PALB2: variants seen among roughly 807,000 people sequenced by gnomAD.
PALB2 encodes partner and localizer of BRCA2, also known as mutant partner and localizer of BRCA2.
Under a neutral mutation model 107.4 loss-of-function variants are expected in PALB2, and 82 were observed. That is an observed-to-expected ratio of 0.76 (90% CI 0.64 to 0.92). The LOEUF is 0.92. Among genes scored for constraint, PALB2 ranks in the 40% least tolerant of loss-of-function variants. The pLI is 0.00. For missense variants in PALB2, 1,374 were observed against 1,379.9 expected (o/e 1.00, Z 0.07); for synonymous variants, 489 against 496.8 (o/e 0.98, Z 0.21).
chr16:23,637,906 A>G lies in PALB2; in HGVS notation c.155T>C (p.Val52Ala), dbSNP rs373970237. 3.1e-6 allele frequency: 5 copies of G among 1,614,056 alleles called. No homozygotes were observed. Among genetic ancestry groups the G allele is most frequent in the Non-Finnish European group, 4.2e-6 (5 of 1,179,970 alleles). Residue 52 changes from valine to alanine, a missense_variant, in exon 3 of 13, where the codon GTA becomes GCA. By Grantham distance (64) the Val-to-Ala change is moderately conservative. Coordinates refer to ENST00000261584, the MANE Select transcript of PALB2 (RefSeq NM_024675.4). ...EKIKHSIKKT[V>A]EEQDCLSQQD... is the part of the protein sequence containing the mutation. ...CTGAGACAAACAATCTTGTTCTTCT[A>G]CTGTTTTCTTAATAGAATGCTTAAT...
In PALB2 at chr16:23,633,737, T is replaced by TCTATCAC. The variant is rs781292045; in HGVS notation, c.1684+1118_1684+1124dup. Among the ~76,000 whole-genome samples the TCTATCAC allele has an allele frequency of 2.3e-3, 343 of 152,108 alleles. 5 individuals are homozygous for TCTATCAC. The highest frequency in any genetic ancestry group is 9.3e-4 in the Non-Finnish European group (63 of 67,998). On this transcript the variant is annotated intron_variant, in intron 4 of 12. Transcript: ENST00000261584. ...GTTTTTTTTTGAGAGAGGGTTTTGCTCTATCACCCAGACTGGAGTGCAGTG... is the reference window on the plus strand; with the variant it reads ...GTTTTTTTTTGAGAGAGGGTTTTGCTCTATCACCTATCACCCAGACTGGAGTGCAGTG...
chr16:23,634,740 A>G, intron 4 of PALB2, 122 bp downstream of exon 4: 1 of 1,349,496 alleles, frequency 7.4e-7, no homozygotes, highest in Non-Finnish European at 1.0e-6. Flanking sequence ...GGGATTACAG[A>G]CGTAAGCCAC....
Position 23,629,717 on chromosome 16 carries a change from T to A in PALB2, c.2437A>T (p.Ile813Phe), listed in dbSNP as rs766396469. The A allele has an allele frequency of 6.2e-7, 1 of 1,614,068 alleles. No homozygotes were observed. Among genetic ancestry groups the A allele is most frequent in the African/African-American group, 1.3e-5 (1 of 74,930 alleles). The change falls in exon 5 of 13, where the codon ATT becomes TTT. Residue 813 changes from isoleucine to phenylalanine, a missense_variant. Coordinates refer to ENST00000261584, the MANE Select transcript of PALB2 (RefSeq NM_024675.4). ...DSVPPGTPPP[I>F]ESFTFKENQL... Reference sequence around the variant, plus strand: ...TTTTCTTTAAAAGTGAATGACTCAATGGGTGGAGGTGTTCCTGGCGGGACA... The same window carrying A: ...TTTTCTTTAAAAGTGAATGACTCAAAGGGTGGAGGTGTTCCTGGCGGGACA...
chr16:23,613,461 T>A (rs1387386351), intron 11 of PALB2, among the ~76,000 whole-genome samples: 4 of 152,026 alleles, frequency 2.6e-5, no homozygotes, highest in African/African-American at 9.7e-5. Flanking sequence ...CTGGCCAACA[T>A]GGCAAAACCC....
At chr16:23,629,058 A>T in intron 6 of PALB2, 146 bp downstream of exon 6, 1 of 711,764 alleles carries the variant, frequency 1.4e-6, no homozygotes, top group Non-Finnish European at 2.4e-6. Context: ...GGGAAAAATA[A>T]CCAATCCAAA....
chr16:23,634,784 G>A (rs1966943714), intron 4 of PALB2, 78 bp downstream of exon 4: 2 of 1,535,436 alleles, frequency 1.3e-6, no homozygotes, highest in East Asian at 2.4e-5. Flanking sequence ...AGAAAAGAAA[G>A]AAAAGGAAGT....
chr16:23,607,079 A>G (rs765621567), intron 12 of PALB2, among the ~76,000 whole-genome samples: 43 of 152,104 alleles, frequency 2.8e-4, no homozygotes, highest in Non-Finnish European at 4.7e-4. Flanking sequence ...AATTGCTGGG[A>G]TTATAGGCGT....
At chr16:23,614,812 G>A (rs1050232637) in intron 10 of PALB2, among the ~76,000 whole-genome samples, 4 of 151,088 alleles carry the variant, frequency 2.6e-5, no homozygotes, top group South Asian at 2.1e-4. Flanking sequence ...CACTACGCCC[G>A]GCTAATTTTT....
At chr16:23,625,479 G>A (rs1195818188) in intron 7 of PALB2, among the ~76,000 whole-genome samples, 5 of 151,686 alleles carry the variant, frequency 3.3e-5, no homozygotes, top group African/African-American at 7.3e-5. Flanking sequence ...CAGCCCAGGC[G>A]ACATGGCAAA....
chr16:23,608,469 T>C (rs1330873944), intron 11 of PALB2, among the ~76,000 whole-genome samples: 1 of 152,182 alleles, frequency 6.6e-6, no homozygotes, highest in Non-Finnish European at 1.5e-5. Context: ...CTACATTTCA[T>C]GCCATTCATT....
intron 7 of PALB2, 49 bp from the exon 8 acceptor site, chr16:23,624,143 GT>G (rs1020376790): frequency 2.2e-6 from 3 of 1,370,708 alleles, no homozygotes; most frequent in Non-Finnish European, 3.1e-6. Flanking sequence ...TTTCATTTTT[GT>G]TTAATCCAGA....
rs1375166092 is a variant in PALB2, at chr16:23,636,039, G to A, written c.507C>T (p.Leu169=). 1.2e-6 allele frequency: 2 copies of A among 1,614,070 alleles called. No homozygotes were observed. Among genetic ancestry groups the A allele is most frequent in the Middle Eastern group, 1.6e-4 (1 of 6,062 alleles). The change falls in exon 4 of 13, where the codon CTC becomes CTT. Residue 169 remains leucine (L), a synonymous_variant. Coordinates refer to ENST00000261584, the MANE Select transcript of PALB2 (RefSeq NM_024675.4). ...ERDCVFGTDS[L]RLSGKRLKEQ... Reference sequence around the variant, plus strand: ...CCTTTAGTCTTTTCCCAGACAATCTGAGTGAATCAGTGCCAAAGACACAGT... The same window carrying A: ...CCTTTAGTCTTTTCCCAGACAATCTAAGTGAATCAGTGCCAAAGACACAGT...
At chr16:23,636,694 TA>T (rs1967071173) in intron 3 of PALB2, among the ~76,000 whole-genome samples, 2 of 152,242 alleles carry the variant, frequency 1.3e-5, no homozygotes, top group East Asian at 3.8e-4. Flanking sequence ...AGCATTGTGC[TA>T]AAAATGTTTT....
chr16:23,624,901 GGGAAAA>G (rs1169988170), intron 7 of PALB2, among the ~76,000 whole-genome samples: 4 of 152,184 alleles, frequency 2.6e-5, no homozygotes, highest in African/African-American at 9.7e-5. Flanking sequence ...ATATGATGGT[GGGAAAA>G]GACCAGAAGG....
Position 23,630,052 on chromosome 16 carries a change from G to C in PALB2, c.2102C>G (p.Ser701Cys), listed in dbSNP as rs1429929576. The change falls in exon 5 of 13, where the codon TCC becomes TGC. Residue 701 changes from serine (S) to cysteine (C), a missense_variant. By Grantham distance (112) the Ser-to-Cys change is moderately radical. Transcript: ENST00000261584. ...SQHTKTGLSSSILLYTPLNTV... is the reference protein window; with the variant it reads ...SQHTKTGLSSCILLYTPLNTV... ...ATTTAAAGGAGTATAAAGTAATATG[G>C]ATGAAGAAAGGCCCGTCTTTGTATG... The C allele has an allele frequency of 6.2e-7, 1 of 1,614,174 alleles. No homozygotes were observed.
chr16:23,616,746 C>A (rs1456337556), intron 10 of PALB2, among the ~76,000 whole-genome samples: 1 of 152,142 alleles, frequency 6.6e-6, no homozygotes, highest in Non-Finnish European at 1.5e-5. Context: ...TACACACTGG[C>A]CCCTCAGTGT....
chr16:23,637,665 A>G (rs954647940), intron 3 of PALB2, among the ~76,000 whole-genome samples, 185 bp downstream of exon 3: 1 of 152,228 alleles, frequency 6.6e-6, no homozygotes, highest in African/African-American at 2.4e-5. Context: ...AGATTGTGCC[A>G]CTGCACTCCA....
intron 12 of PALB2, 66 bp downstream of exon 12, chr16:23,607,798 G>T (rs2142270322): frequency 6.4e-7 from 1 of 1,555,580 alleles, no homozygotes; most frequent in Non-Finnish European, 8.9e-7. Context: ...AAAATATCTA[G>T]TTTTTGTGTT....
Position 23,621,448 on chromosome 16 carries a change from A to G in PALB2, c.3027T>C (p.Pro1009=), listed in dbSNP as rs876659376. The change falls in exon 10 of 13, where the codon CCT becomes CCC. Residue 1009 remains proline, a synonymous_variant. Coordinates refer to ENST00000261584, the MANE Select transcript of PALB2 (RefSeq NM_024675.4). ...GGKENQFLMP[P]EETILTFAEV... is the part of the protein sequence containing the mutation. ...CAGCAAAAGTTAGTATAGTCTCCTC[A>G]GGGGGCATCAAAAATTGGTTTTCTT... 12 of 1,614,080 alleles carry G rather than the reference A, an allele frequency of 7.4e-6. No individual in the cohort carries two copies. The highest frequency in any genetic ancestry group is 8.5e-6 in the Non-Finnish European group (10 of 1,179,964).
Sources: allele counts gnomAD v4.1 joint callset (sites outside exome capture counted in the v4.1 genomes callset), GRCh38; gene constraint gnomAD v4.1.1; transcripts MANE v1.5; gene names NCBI Gene and HGNC (gene_info 2026-07-23, HGNC 2026-07-21).